GINS1: variants seen among roughly 807,000 people sequenced by gnomAD.
GINS1 encodes the protein GINS complex subunit 1.
In GINS1, 26 loss-of-function variants were observed where a neutral mutation model predicts 34.9. That is an observed-to-expected ratio of 0.74 (90% CI 0.55 to 1.03). The LOEUF (loss-of-function observed/expected upper bound fraction) is 1.03, where lower values mean the gene tolerates loss of function less well. GINS1 is among the 50% of genes least tolerant of loss of function. GINS1 has a pLI of 0.00. For missense variants in GINS1, 235 were observed against 237.9 expected (o/e 0.99, Z 0.08); for synonymous variants, 97 against 84.4 (o/e 1.15, Z -0.82).
intron 5 of GINS1, among the ~76,000 whole-genome samples, chr20:25,428,534 G>C (rs966983992): frequency 6.7e-6 from 1 of 150,080 alleles, no homozygotes; most frequent in Admixed American, 6.7e-5. Context: ...CTCCCGAGTA[G>C]CTGGGACCAC....
chr20:25,429,463 T>C (rs1165846116), intron 5 of GINS1, among the ~76,000 whole-genome samples: 1 of 152,212 alleles, frequency 6.6e-6, no homozygotes, highest in Non-Finnish European at 1.5e-5. Flanking sequence ...ATGGGATGTG[T>C]TTCCAATTGT....
intron 4 of GINS1, among the ~76,000 whole-genome samples, chr20:25,422,439 A>C (rs2090361372): frequency 1.3e-5 from 2 of 152,026 alleles, no homozygotes; most frequent in South Asian, 4.1e-4. Context: ...AACAAAAAAA[A>C]ACTTAGCTAA....
At chr20:25,428,842 C>A (rs118029295) in intron 5 of GINS1, among the ~76,000 whole-genome samples, 2 of 151,784 alleles carry the variant, frequency 1.3e-5, no homozygotes, top group East Asian at 3.9e-4. Context: ...GTACATCTGT[C>A]GTAAAAAAAG....
chr20:25,423,523 C>A (rs1325364795), intron 4 of GINS1, among the ~76,000 whole-genome samples: 2 of 114,806 alleles, frequency 1.7e-5, no homozygotes, highest in Admixed American at 2.6e-4. Context: ...GGCTGGAGTG[C>A]AGTGGCTCAA....
intron 5 of GINS1, among the ~76,000 whole-genome samples, chr20:25,439,329 G>C (rs531976361): frequency 6.6e-6 from 1 of 152,190 alleles, no homozygotes; most frequent in South Asian, 2.1e-4. Flanking sequence ...AGGGACAAAG[G>C]AACAATGTTA....
At chr20:25,411,918 G>A (rs2090287641) in intron 1 of GINS1, among the ~76,000 whole-genome samples, 2 of 150,984 alleles carry the variant, frequency 1.3e-5, no homozygotes, top group South Asian at 4.2e-4. Flanking sequence ...ACTCCAGCCT[G>A]GGTGACAAGA....
chr20:25,434,288 G>C (rs2151144), intron 5 of GINS1, among the ~76,000 whole-genome samples: 85,502 of 150,870 alleles, frequency 0.57, 24,921 homozygotes, highest in African/African-American at 0.62. Context: ...ACACCTCCCC[G>C]CTGCCCAGAA....
chr20:25,428,359 T>G (rs1460308510), intron 5 of GINS1, among the ~76,000 whole-genome samples: 1 of 151,862 alleles, frequency 6.6e-6, no homozygotes, highest in Non-Finnish European at 1.5e-5. Context: ...CAACTTTATT[T>G]TTTTGCATGT....
chr20:25,430,814 G>A (rs2146212323), intron 5 of GINS1, among the ~76,000 whole-genome samples: 1 of 152,360 alleles, frequency 6.6e-6, no homozygotes, highest in Admixed American at 6.5e-5. Context: ...ACAGGCGTGA[G>A]CCACCATGCC....
intron 5 of GINS1, among the ~76,000 whole-genome samples, chr20:25,430,407 T>TA (rs2090420452): frequency 6.6e-6 from 1 of 152,254 alleles, no homozygotes; most frequent in Admixed American, 6.5e-5. Context: ...GTTAATGACT[T>TA]ATATTGATTG....
At chr20:25,429,321 T>C (rs866824506) in intron 5 of GINS1, among the ~76,000 whole-genome samples, 21 of 152,106 alleles carry the variant, frequency 1.4e-4, no homozygotes, top group African/African-American at 4.1e-4. Context: ...TTTTCACTAT[T>C]TGAGATTTTA....
intron 5 of GINS1, among the ~76,000 whole-genome samples, chr20:25,435,117 G>A (rs1321445944): frequency 1.3e-5 from 2 of 152,190 alleles, no homozygotes; most frequent in African/African-American, 4.8e-5. Flanking sequence ...CTTCACATGG[G>A]TTCAAGTTAC....
intron 5 of GINS1, among the ~76,000 whole-genome samples, chr20:25,435,836 G>A (rs1383602813): frequency 7.7e-6 from 1 of 129,306 alleles, no homozygotes; most frequent in African/African-American, 3.0e-5. Context: ...TTTTTGAGAC[G>A]GAGTCTCACA....
intron 5 of GINS1, among the ~76,000 whole-genome samples, chr20:25,428,741 A>T (rs558148411): frequency 1.3e-5 from 2 of 151,700 alleles, no homozygotes; most frequent in Non-Finnish European, 1.5e-5. Context: ...CCCTTTCCCC[A>T]TTGTGAATGG....
intron 6 of GINS1, among the ~76,000 whole-genome samples, chr20:25,444,808 G>A (rs2090502058): frequency 1.3e-5 from 2 of 152,144 alleles, no homozygotes; most frequent in South Asian, 4.1e-4. Context: ...GCAATACCTG[G>A]GTACCGGCAT....
intron 1 of GINS1, among the ~76,000 whole-genome samples, chr20:25,412,117 GA>G (rs1568796450): frequency 1.3e-5 from 2 of 151,614 alleles, no homozygotes; most frequent in South Asian, 4.2e-4. Context: ...CAACAACAAC[GA>G]AAAAAATCAG....
intron 4 of GINS1, among the ~76,000 whole-genome samples, chr20:25,423,611 T>TC (rs1340632822): frequency 9.9e-6 from 1 of 101,164 alleles, no homozygotes; most frequent in African/African-American, 4.6e-5. Context: ...TTTTCTTCTC[T>TC]CTTTTTTTTT....
intron 4 of GINS1, among the ~76,000 whole-genome samples, chr20:25,424,147 TTTTC>T (rs1257709165): frequency 1.3e-5 from 2 of 152,162 alleles, no homozygotes; most frequent in African/African-American, 2.4e-5. Flanking sequence ...TGGGAGGACT[TTTTC>T]TTCTGTTATG....
At chr20:25,412,119 A>G (rs1183716334) in intron 1 of GINS1, among the ~76,000 whole-genome samples, 1 of 152,058 alleles carries the variant, frequency 6.6e-6, no homozygotes, top group Non-Finnish European at 1.5e-5. Flanking sequence ...ACAACAACGA[A>G]AAAAATCAGA....
Sources: gnomAD v4.1 joint callset for allele counts (sites outside exome capture counted in the v4.1 genomes callset) on GRCh38, gnomAD v4.1.1 for gene constraint, MANE v1.5 for transcripts, NCBI Gene and HGNC (gene_info 2026-07-23, HGNC 2026-07-21) for gene names.